Variants in FAT3 observed in about 807,000 individuals in gnomAD.
The protein encoded by FAT3 is protocadherin Fat 3.
In FAT3, 95 loss-of-function variants were observed where a neutral mutation model predicts 310.2. The observed-to-expected ratio is 0.31, with a 90% CI of 0.26 to 0.36. The LOEUF (loss-of-function observed/expected upper bound fraction) is 0.36, where lower values mean the gene tolerates loss of function less well. FAT3 is among the 10% of genes least tolerant of loss of function. FAT3 has a pLI of 1.00. For missense variants in FAT3, 5,408 were observed against 5,715.6 expected (o/e 0.95, Z 1.74); for synonymous variants, 2,314 against 2,192.9 (o/e 1.06, Z -1.54).
chr11:92,799,474 A>G lies in FAT3; in HGVS notation c.6461A>G (p.Tyr2154Cys). 1.2e-6 allele frequency: 2 copies of G among 1,613,684 alleles called. No homozygotes were observed. Among genetic ancestry groups the G allele is most frequent in the Non-Finnish European group, 1.7e-6 (2 of 1,179,810 alleles). ...AFNSDLSNIE[Y>C]GVTILAKDGG... ...AACTCTGACTTGTCCAACATTGAGT[A>G]TGGAGTCACCATCCTAGCCAAGGAT... Residue 2154 changes from tyrosine (Y) to cysteine (C), a missense_variant, in exon 10 of 28, where the codon TAT (tyrosine) becomes TGT (cysteine). Tyr to Cys is a radical substitution (Grantham distance 194). Transcript: ENST00000525166.
Position 92,231,404 on chromosome 11 carries a change from A to G in FAT3, c.-18+6230A>G, listed in dbSNP as rs180680451. On this transcript the variant is annotated intron_variant, in intron 1 of 27. Coordinates refer to ENST00000525166, the MANE Select transcript of FAT3 (RefSeq NM_001367949.2). ...CAGACTTTTACCTTGGACGTTCTCT[A>G]TGACTTGATCCTACTTGTACTTTTC... Among the ~76,000 whole-genome samples the G allele has an allele frequency of 8.4e-3, 1,275 of 152,322 alleles. 15 individuals carry two copies. The highest frequency in any genetic ancestry group is 0.011 in the Non-Finnish European group (769 of 68,018).
In FAT3 at chr11:92,567,022, C is replaced by A. The variant is rs371659288; in HGVS notation, c.3607+42074C>A. Among the ~76,000 whole-genome samples the A allele has an allele frequency of 4.3e-4, 66 of 152,100 alleles. 1 individual carries two copies. In the East Asian group the frequency reaches 5.8e-3, roughly 13 times the overall value. Reference sequence around the variant, plus strand: ...ACACCAAAAGCAATGGCAACAAAAGCCAAAATTGACAAATGGGATCTAATT... The same window carrying A: ...ACACCAAAAGCAATGGCAACAAAAGACAAAATTGACAAATGGGATCTAATT... On this transcript the variant is annotated intron_variant, in intron 3 of 27. Transcript: ENST00000525166.
chr11:92,560,293 T>G (rs548629351), intron 3 of FAT3, among the ~76,000 whole-genome samples: 1 of 152,332 alleles, frequency 6.6e-6, no homozygotes, highest in African/African-American at 2.4e-5. Flanking sequence ...TGAGCTATTT[T>G]TCTTCTTATT....
intron 2 of FAT3, among the ~76,000 whole-genome samples, chr11:92,361,954 C>G (rs1300780738): frequency 6.6e-6 from 1 of 152,252 alleles, no homozygotes. Context: ...TGGTTAACAT[C>G]TACTGAGCAC....
At chr11:92,581,715 C>T (rs780254253) in intron 3 of FAT3, among the ~76,000 whole-genome samples, 19 of 152,030 alleles carry the variant, frequency 1.2e-4, no homozygotes, top group Non-Finnish European at 2.6e-4. Context: ...AAAATACATA[C>T]ATATACACGT....
At chr11:92,807,343 G>C (rs1456152138) in intron 12 of FAT3, among the ~76,000 whole-genome samples, 3 of 152,124 alleles carry the variant, frequency 2.0e-5, no homozygotes, top group African/African-American at 7.2e-5. Context: ...ATCATTCTCT[G>C]TACCCCAAGA....
intron 5 of FAT3, among the ~76,000 whole-genome samples, chr11:92,762,382 C>G (rs1946175391): frequency 6.6e-6 from 1 of 152,094 alleles, no homozygotes; most frequent in South Asian, 2.1e-4. Flanking sequence ...TGGTTGTGTC[C>G]TGTCAGCATT....
chr11:92,614,669 A>T (rs1940718377), intron 3 of FAT3, among the ~76,000 whole-genome samples: 1 of 152,040 alleles, frequency 6.6e-6, no homozygotes, highest in African/African-American at 2.4e-5. Flanking sequence ...TTGTCTTTTC[A>T]CTTTCTTGAT....
chr11:92,412,726 T>TATATATATATATATACAC (rs1950309011), intron 2 of FAT3, among the ~76,000 whole-genome samples: 1 of 40,816 alleles, frequency 2.5e-5, no homozygotes, highest in African/African-American at 7.2e-5. Context: ...TATATATATA[T>TATATATATATATATACAC]ATATATATAT....
chr11:92,306,766 A>AATAAATTATATATAT (rs1456385816), intron 1 of FAT3, among the ~76,000 whole-genome samples: 1 of 129,812 alleles, frequency 7.7e-6, no homozygotes, highest in Admixed American at 9.9e-5. Flanking sequence ...TATATATATA[A>AATAAATTATATATAT]ATAAATTATA....
chr11:92,856,312 G>A (rs973943744), intron 19 of FAT3, among the ~76,000 whole-genome samples: 5 of 144,642 alleles, frequency 3.5e-5, no homozygotes, highest in Admixed American at 7.1e-5. Flanking sequence ...CACTGTTTCA[G>A]TTGTGGGTTT....
At chr11:92,499,667 A>G (rs1176154928) in intron 2 of FAT3, among the ~76,000 whole-genome samples, 1 of 151,566 alleles carries the variant, frequency 6.6e-6, no homozygotes, top group Admixed American at 6.6e-5. Context: ...TCACAGTGTC[A>G]TCTTGAGTCA....
At chr11:92,505,041 A>G (rs1953056354) in intron 2 of FAT3, among the ~76,000 whole-genome samples, 1 of 152,108 alleles carries the variant, frequency 6.6e-6, no homozygotes, top group Non-Finnish European at 1.5e-5. Flanking sequence ...AGAACAATGC[A>G]ATGCACTTTA....
chr11:92,609,674 G>A (rs1940472055), intron 3 of FAT3, among the ~76,000 whole-genome samples: 1 of 152,072 alleles, frequency 6.6e-6, no homozygotes, highest in Admixed American at 6.5e-5. Flanking sequence ...CTATCAACCT[G>A]CAAATAAAAT....
At chr11:92,280,206 G>A (rs1946386303) in intron 1 of FAT3, among the ~76,000 whole-genome samples, 1 of 152,098 alleles carries the variant, frequency 6.6e-6, no homozygotes, top group Admixed American at 6.6e-5. Flanking sequence ...GAGGTACTTT[G>A]ACTCTCTGAC....
At chr11:92,807,710 G>A (rs1947544446) in intron 12 of FAT3, among the ~76,000 whole-genome samples, 1 of 152,076 alleles carries the variant, frequency 6.6e-6, no homozygotes, top group South Asian at 2.1e-4. Context: ...TTCTTGCCTA[G>A]TTTCTCCAAA....
intron 4 of FAT3, among the ~76,000 whole-genome samples, chr11:92,731,439 T>C (rs1945174391): frequency 6.6e-6 from 1 of 151,192 alleles, no homozygotes; most frequent in Non-Finnish European, 1.5e-5. Context: ...AATATGGACC[T>C]AGATCAACAC....
chr11:92,282,626 T>C (rs928215318), intron 1 of FAT3, among the ~76,000 whole-genome samples: 3 of 149,208 alleles, frequency 2.0e-5, no homozygotes, highest in African/African-American at 7.5e-5. Flanking sequence ...ATCACACCAT[T>C]GCATAAAGAG....
chr11:92,567,110 A>G (rs1366854590), intron 3 of FAT3, among the ~76,000 whole-genome samples: 2 of 152,136 alleles, frequency 1.3e-5, no homozygotes, highest in East Asian at 3.9e-4. Flanking sequence ...AACCTTCAAA[A>G]TAGGAGAAAA....
Sources: allele counts gnomAD v4.1 joint callset (sites outside exome capture counted in the v4.1 genomes callset), GRCh38; gene constraint gnomAD v4.1.1; transcripts MANE v1.5; gene names NCBI Gene and HGNC (gene_info 2026-07-23, HGNC 2026-07-21).